KIAA0825: variants seen among roughly 807,000 people sequenced by gnomAD.
KIAA0825 encodes uncharacterized protein KIAA0825.
A neutral mutation model predicts 147.6 loss-of-function variants in KIAA0825; 119 were observed. The observed-to-expected ratio is 0.81, with a 90% CI of 0.69 to 0.94. KIAA0825 has a LOEUF of 0.94. Among genes scored for constraint, KIAA0825 ranks in the 40% least tolerant of loss-of-function variants. The pLI, the probability that KIAA0825 is intolerant of heterozygous loss-of-function variation, is 0.00. For missense variants in KIAA0825, 1,381 were observed against 1,472.7 expected (o/e 0.94, Z 1.02); for synonymous variants, 470 against 518.1 (o/e 0.91, Z 1.26).
chr5:94,248,517 G>C (rs1775754408), intron 20 of KIAA0825, among the ~76,000 whole-genome samples: 1 of 152,252 alleles, frequency 6.6e-6, no homozygotes, highest in South Asian at 2.1e-4. Context: ...GTAACCTGTT[G>C]CAAGTCTGAG....
chr5:94,489,887 CA>C (rs747717616), intron 5 of KIAA0825, among the ~76,000 whole-genome samples: 4,363 of 58,156 alleles, frequency 0.075, 30 homozygotes, highest in Non-Finnish European at 0.084. Context: ...GACTCTGTCT[CA>C]AAAAAAAAAA....
intron 3 of KIAA0825, among the ~76,000 whole-genome samples, chr5:94,529,455 G>GTGTA (rs139975451): frequency 2.0e-5 from 3 of 146,714 alleles, no homozygotes; most frequent in African/African-American, 7.5e-5. Flanking sequence ...TATATGTAGT[G>GTGTA]TATATATATA....
intron 20 of KIAA0825, among the ~76,000 whole-genome samples, chr5:94,297,302 A>C (rs1778180327): frequency 6.6e-6 from 1 of 152,210 alleles, no homozygotes; most frequent in African/African-American, 2.4e-5. Flanking sequence ...ATAACATATG[A>C]TAGCACAGTG....
At chr5:94,443,103 C>T (rs968854681) in intron 13 of KIAA0825, among the ~76,000 whole-genome samples, 7 of 152,044 alleles carry the variant, frequency 4.6e-5, no homozygotes, top group African/African-American at 1.7e-4. Context: ...TTGACATGTA[C>T]CTCAATTCTT....
intron 16 of KIAA0825, among the ~76,000 whole-genome samples, chr5:94,402,028 G>A (rs113135261): frequency 6.6e-5 from 10 of 152,078 alleles, no homozygotes; most frequent in East Asian, 1.9e-4. Flanking sequence ...CTCTTAGAAC[G>A]CAAAAAATGG....
chr5:94,275,798 T>C (rs1036507634), intron 20 of KIAA0825, among the ~76,000 whole-genome samples: 6 of 152,126 alleles, frequency 3.9e-5, no homozygotes, highest in African/African-American at 1.4e-4. Context: ...CAGCTCGCAT[T>C]GTGTGTAATG....
At chr5:94,599,225 C>T (rs190883647) in intron 1 of KIAA0825, among the ~76,000 whole-genome samples, 1 of 151,386 alleles carries the variant, frequency 6.6e-6, no homozygotes, top group East Asian at 1.9e-4. Context: ...TCCCTGATGA[C>T]TAGTGGTGTT....
chr5:94,462,265 C>A (rs1401436427), intron 12 of KIAA0825, 122 bp downstream of exon 12: 2 of 575,060 alleles, frequency 3.5e-6, no homozygotes, highest in Admixed American at 3.8e-5. Context: ...TTCACAGTAT[C>A]AAAAATGCAC....
chr5:94,194,553 C>T (rs1770961942), intron 20 of KIAA0825, among the ~76,000 whole-genome samples: 1 of 152,180 alleles, frequency 6.6e-6, no homozygotes, highest in African/African-American at 2.4e-5. Flanking sequence ...GAATATTCCA[C>T]CTCCAAGCCA....
chr5:94,507,456 C>T (rs536345971), intron 5 of KIAA0825, among the ~76,000 whole-genome samples: 1 of 146,024 alleles, frequency 6.8e-6, no homozygotes, highest in East Asian at 2.0e-4. Context: ...CGTCCCCCCG[C>T]CCCCCCCAAA....
intron 3 of KIAA0825, among the ~76,000 whole-genome samples, chr5:94,533,438 G>A (rs188802587): frequency 3.3e-5 from 5 of 151,694 alleles, no homozygotes; most frequent in South Asian, 2.1e-4. Flanking sequence ...CACCACGCCC[G>A]GCTGATTTTT....
intron 15 of KIAA0825, among the ~76,000 whole-genome samples, chr5:94,406,103 G>T (rs147324458): frequency 0.034 from 5,080 of 151,574 alleles, 258 homozygotes; most frequent in African/African-American, 0.12. Flanking sequence ...ATTTTTGTAT[G>T]TTTAGTAGAG....
chr5:94,154,107 T>A lies in KIAA0825; in HGVS notation c.3728A>T (p.Asp1243Val). Reference protein sequence around the residue: ...LLKNRWEMKKDETLEEEEKAI... With the variant: ...LLKNRWEMKKVETLEEEEKAI... Reference sequence around the variant, plus strand: ...TTTTTCTTCCTCTTCTAGTGTTTCATCCTTCTTCATTTCCCACCTAAAAGA... The same window carrying A: ...TTTTTCTTCCTCTTCTAGTGTTTCAACCTTCTTCATTTCCCACCTAAAAGA... The change falls in exon 21 of 21, where the codon GAT becomes GTT. Residue 1243 changes from aspartate (D) to valine (V), a missense_variant. Coordinates refer to ENST00000682413, the MANE Select transcript of KIAA0825 (RefSeq NM_001145678.3). 6.4e-7 allele frequency: 1 copy of A among 1,550,970 alleles called. No individual in the cohort carries two copies. Among genetic ancestry groups the A allele is most frequent in the Non-Finnish European group, 8.7e-7 (1 of 1,146,306 alleles).
At chr5:94,261,371 A>G (rs973372485) in intron 20 of KIAA0825, among the ~76,000 whole-genome samples, 1 of 152,116 alleles carries the variant, frequency 6.6e-6, no homozygotes, top group Non-Finnish European at 1.5e-5. Flanking sequence ...ATCTTTCCAT[A>G]ATGTTATTGA....
chr5:94,202,817 T>C (rs1229183879), intron 20 of KIAA0825, among the ~76,000 whole-genome samples: 1 of 152,200 alleles, frequency 6.6e-6, no homozygotes, highest in Admixed American at 6.5e-5. Context: ...TCTAGACAAC[T>C]TGACTAGCCA....
chr5:94,154,428 A>G (rs1766841362), intron 20 of KIAA0825, among the ~76,000 whole-genome samples: 1 of 152,232 alleles, frequency 6.6e-6, no homozygotes, highest in Non-Finnish European at 1.5e-5. Flanking sequence ...ATACACATAT[A>G]AATAAAATCT....
At chr5:94,529,261 T>TATATGTATATATA (rs1304312584) in intron 3 of KIAA0825, among the ~76,000 whole-genome samples, 36 of 129,388 alleles carry the variant, frequency 2.8e-4, no homozygotes, top group African/African-American at 1.2e-3. Context: ...TATGTATATA[T>TATATGTATATATA]CATATATATG....
intron 5 of KIAA0825, among the ~76,000 whole-genome samples, chr5:94,493,542 C>CA (rs1164333990): frequency 1.3e-5 from 2 of 152,150 alleles, no homozygotes; most frequent in Non-Finnish European, 2.9e-5. Flanking sequence ...GGCTGGAGTG[C>CA]AGTGGCGCAA....
intron 20 of KIAA0825, among the ~76,000 whole-genome samples, chr5:94,222,220 T>A (rs1773726075): frequency 6.6e-6 from 1 of 152,150 alleles, no homozygotes; most frequent in African/African-American, 2.4e-5. Flanking sequence ...TCCATGCCAA[T>A]AGCCTGTAAG....
Sources: allele counts gnomAD v4.1 joint callset (sites outside exome capture counted in the v4.1 genomes callset), GRCh38; gene constraint gnomAD v4.1.1; transcripts MANE v1.5; gene names NCBI Gene and HGNC (gene_info 2026-07-23, HGNC 2026-07-21).